The following GRIA2 variants were observed in gnomAD, a reference collection of about 807,000 sequenced individuals.
GRIA2 encodes glutamate receptor 2.
A neutral mutation model predicts 97.3 loss-of-function variants in GRIA2; 14 were observed. The ratio of observed to expected loss-of-function variants is 0.14; its 90% CI spans 0.10 to 0.23. The LOEUF (loss-of-function observed/expected upper bound fraction) is 0.23. GRIA2 is among the 10% of genes least tolerant of loss of function. The probability of loss-of-function intolerance (pLI) is 1.00; values close to 1 mark genes in which losing one functional copy is unlikely to be tolerated. For missense variants in GRIA2, 558 were observed against 1,069.8 expected (o/e 0.52, Z 6.67); for synonymous variants, 412 against 387.8 (o/e 1.06, Z -0.73).
intron 11 of GRIA2, 94 bp from the exon 12 acceptor site, chr4:157,341,170 C>T: frequency 1.3e-6 from 1 of 786,510 alleles, no homozygotes; most frequent in East Asian, 2.5e-5. Flanking sequence ...ATTAAATATT[C>T]CCCTATAAGT....
chr4:157,354,447 CTG>C (rs1736157928), intron 12 of GRIA2, among the ~76,000 whole-genome samples: 2 of 152,130 alleles, frequency 1.3e-5, no homozygotes, highest in Non-Finnish European at 2.9e-5. Context: ...ATATGATACA[CTG>C]TTATTTTCTG....
At chr4:157,356,970 A>G (rs561010271) in intron 12 of GRIA2, among the ~76,000 whole-genome samples, 80 of 152,202 alleles carry the variant, frequency 5.3e-4, no homozygotes, top group Admixed American at 1.8e-3. Context: ...TTCTGCACCA[A>G]CCTAATGAAA....
intron 3 of GRIA2, among the ~76,000 whole-genome samples, 191 bp from the exon 4 acceptor site, chr4:157,312,488 G>A (rs1166394887): frequency 6.6e-6 from 1 of 152,118 alleles, no homozygotes; most frequent in South Asian, 2.1e-4. Flanking sequence ...TTTAGGTAAT[G>A]AGTTTTTGAT....
intron 2 of GRIA2, among the ~76,000 whole-genome samples, chr4:157,300,916 C>T (rs1432452176): frequency 6.6e-6 from 1 of 152,116 alleles, no homozygotes; most frequent in Non-Finnish European, 1.5e-5. Context: ...AAAGGTATGG[C>T]TCCTTATTAA....
At chr4:157,282,030 G>A (rs1310723437) in intron 2 of GRIA2, among the ~76,000 whole-genome samples, 1 of 152,116 alleles carries the variant, frequency 6.6e-6, no homozygotes, top group African/African-American at 2.4e-5. Flanking sequence ...ACAGGTGACA[G>A]TTATGCCAAT....
In GRIA2 at chr4:157,340,893, T is replaced by C. The variant is rs1287801579; in HGVS notation, c.1845-371T>C. Among the ~76,000 whole-genome samples the C allele has an allele frequency of 3.3e-5, 5 of 152,110 alleles. No homozygotes were observed. The South Asian group carries it at 6.2e-4, about 19-fold the overall frequency. Reference sequence around the variant, plus strand: ...TTTGTTCATAAATGTTGTTATGAGGTTTGCTGGTGATATTACATTCTCTTG... The same window carrying C: ...TTTGTTCATAAATGTTGTTATGAGGCTTGCTGGTGATATTACATTCTCTTG... On this transcript the variant is annotated intron_variant, in intron 11 of 15. Coordinates refer to ENST00000264426, the MANE Select transcript of GRIA2 (RefSeq NM_001083619.3).
intron 2 of GRIA2, among the ~76,000 whole-genome samples, chr4:157,222,483 G>A (rs1428739611): frequency 6.6e-6 from 1 of 152,186 alleles, no homozygotes; most frequent in African/African-American, 2.4e-5. Context: ...GGGGTGGGGC[G>A]GGGAGGCGGT....
chr4:157,293,794 GGC>G (rs1733212740), intron 2 of GRIA2, among the ~76,000 whole-genome samples: 2 of 151,972 alleles, frequency 1.3e-5, no homozygotes, highest in African/African-American at 4.8e-5. Flanking sequence ...CGACAGTCAG[GGC>G]AATGTTAGAG....
At chr4:157,248,601 A>ATACG (rs1561009440) in intron 2 of GRIA2, among the ~76,000 whole-genome samples, 1 of 2,236 alleles carries the variant, frequency 4.5e-4, no homozygotes, top group Non-Finnish European at 9.6e-4. Flanking sequence ...ATGTATATAT[A>ATACG]TGTATATATA....
intron 2 of GRIA2, among the ~76,000 whole-genome samples, chr4:157,286,099 A>G (rs1732834619): frequency 2.0e-5 from 3 of 151,562 alleles, no homozygotes; most frequent in Non-Finnish European, 4.4e-5. Flanking sequence ...ATTATTTTCA[A>G]GGATCATTTC....
At chr4:157,227,326 A>C (rs879362781) in intron 2 of GRIA2, among the ~76,000 whole-genome samples, 12 of 152,158 alleles carry the variant, frequency 7.9e-5, no homozygotes, top group Non-Finnish European at 1.2e-4. Context: ...AATCTCTTCC[A>C]ATAACACTTA....
At chr4:157,274,635 G>A (rs1732199890) in intron 2 of GRIA2, among the ~76,000 whole-genome samples, 1 of 150,366 alleles carries the variant, frequency 6.7e-6, no homozygotes, top group African/African-American at 2.4e-5. Context: ...TTTTGTCCTT[G>A]CGATAGTTTG....
At chr4:157,293,380 G>A (rs906292387) in intron 2 of GRIA2, among the ~76,000 whole-genome samples, 1 of 152,144 alleles carries the variant, frequency 6.6e-6, no homozygotes, top group Non-Finnish European at 1.5e-5. Flanking sequence ...GTTTAAAAGA[G>A]TGGACTAAGT....
chr4:157,342,085 G>T (rs1400844743), intron 12 of GRIA2: 1 of 967,648 alleles, frequency 1.0e-6, no homozygotes, highest in East Asian at 1.1e-4. Context: ...CCTGATGTTG[G>T]CATAATTTTC....
chr4:157,363,263 C>T, intron 15 of GRIA2, 172 bp from the exon 16 acceptor site: 1 of 603,412 alleles, frequency 1.7e-6, no homozygotes, highest in Non-Finnish European at 2.7e-6. Context: ...AGATTCCTGC[C>T]ATAATTGTGC....
intron 2 of GRIA2, among the ~76,000 whole-genome samples, chr4:157,277,876 A>G (rs1367391990): frequency 1.4e-5 from 2 of 144,358 alleles, no homozygotes; most frequent in South Asian, 4.3e-4. Context: ...ATATATGTAT[A>G]TATATGTATA....
At chr4:157,281,727 C>G (rs1732606654) in intron 2 of GRIA2, among the ~76,000 whole-genome samples, 1 of 152,088 alleles carries the variant, frequency 6.6e-6, no homozygotes, top group Non-Finnish European at 1.5e-5. Flanking sequence ...ACAAAGGGTT[C>G]TGTAGAAACA....
At position 157,360,114 on chromosome 4, in the gene GRIA2, C is replaced by T. The variant is rs758668626; in HGVS notation, c.2262C>T (p.Gly754=). The T allele has an allele frequency of 4.3e-6, 7 of 1,613,676 alleles. No homozygotes were observed. In the African/African-American group the frequency reaches 5.3e-5, roughly 12 times the overall value. Residue 754 remains glycine (G), a synonymous_variant, in exon 13 of 16, where the codon GGC becomes GGT. Transcript: ENST00000264426. ...VGGNLDSKGY[G]IATPKGSSLR... is the part of the protein sequence containing the mutation. ...GAAACCTGGATTCCAAAGGCTATGG[C>T]ATCGCAACACCTAAAGGATCCTCAT...
chr4:157,222,307 C>A (rs1729535215), intron 2 of GRIA2, among the ~76,000 whole-genome samples: 1 of 152,282 alleles, frequency 6.6e-6, no homozygotes, highest in African/African-American at 2.4e-5. Flanking sequence ...AGTTTAGATC[C>A]GCAGCACCGG....
Sources: allele counts gnomAD v4.1 joint callset (sites outside exome capture counted in the v4.1 genomes callset), GRCh38; gene constraint gnomAD v4.1.1; transcripts MANE v1.5; gene names NCBI Gene and HGNC (gene_info 2026-07-23, HGNC 2026-07-21).